Variants in SEL1L2 observed in about 807,000 individuals in gnomAD.
The protein encoded by SEL1L2 is protein sel-1 homolog 2.
SEL1L2 carries 89 observed loss-of-function variants against 98.8 expected under a neutral mutation model. That is an observed-to-expected ratio of 0.90 (90% CI 0.76 to 1.07). The LOEUF (loss-of-function observed/expected upper bound fraction) is 1.07, where lower values mean the gene tolerates loss of function less well. Among genes scored for constraint, SEL1L2 ranks in the 50% least tolerant of loss-of-function variants. The probability of loss-of-function intolerance (pLI) is 0.00; values close to 1 mark genes in which losing one functional copy is unlikely to be tolerated. For missense variants in SEL1L2, 788 were observed against 812.0 expected (o/e 0.97, Z 0.36); for synonymous variants, 262 against 278.5 (o/e 0.94, Z 0.59).
chr20:13,937,107 C>T (rs1433771170), intron 2 of SEL1L2, among the ~76,000 whole-genome samples: 1 of 152,218 alleles, frequency 6.6e-6, no homozygotes, highest in Non-Finnish European at 1.5e-5. Flanking sequence ...TTTATTGTCT[C>T]TTCTTTCCTG....
intron 1 of SEL1L2, among the ~76,000 whole-genome samples, chr20:13,961,720 G>A (rs2050780426): frequency 6.6e-6 from 1 of 152,206 alleles, no homozygotes; most frequent in South Asian, 2.1e-4. Context: ...GCCAAGCCCA[G>A]AGGGTATTGC....
chr20:13,894,540 A>G (rs1420328667), intron 5 of SEL1L2, among the ~76,000 whole-genome samples: 1 of 152,234 alleles, frequency 6.6e-6, no homozygotes, highest in Non-Finnish European at 1.5e-5. Flanking sequence ...AGCCTGGGCA[A>G]CAGAGCAAGA....
At chr20:13,922,902 G>A (rs1204339567) in intron 3 of SEL1L2, among the ~76,000 whole-genome samples, 2 of 152,164 alleles carry the variant, frequency 1.3e-5, no homozygotes, top group African/African-American at 2.4e-5. Context: ...GCAGCACAGA[G>A]CATAGGAAGG....
chr20:13,919,778 T>C (rs912782448), intron 3 of SEL1L2, among the ~76,000 whole-genome samples: 1 of 151,598 alleles, frequency 6.6e-6, no homozygotes, highest in Non-Finnish European at 1.5e-5. Flanking sequence ...ATACAAAAAT[T>C]AGCCAGGCGT....
At chr20:13,989,448 A>G (rs1019252649) in intron 1 of SEL1L2, among the ~76,000 whole-genome samples, 7 of 152,114 alleles carry the variant, frequency 4.6e-5, no homozygotes, top group Non-Finnish European at 7.4e-5. Context: ...TCCAAGCTTG[A>G]TATCTTCTAC....
intron 1 of SEL1L2, among the ~76,000 whole-genome samples, chr20:13,974,601 C>T (rs2051449756): frequency 6.6e-6 from 1 of 150,834 alleles, no homozygotes; most frequent in East Asian, 2.0e-4. Flanking sequence ...GCCTCAGCCT[C>T]CCAAGTAGCT....
intron 4 of SEL1L2, among the ~76,000 whole-genome samples, chr20:13,916,342 T>C (rs1315367525): frequency 6.6e-6 from 1 of 152,102 alleles, no homozygotes; most frequent in Non-Finnish European, 1.5e-5. Flanking sequence ...TGTGCAATCA[T>C]TTTTCTCTCC....
chr20:13,934,490 T>TATATATATTCCATATATATATATTC (rs1568998549), intron 2 of SEL1L2, among the ~76,000 whole-genome samples: 3 of 9,048 alleles, frequency 3.3e-4, no homozygotes, highest in African/African-American at 6.3e-4. Flanking sequence ...TATATATATG[T>TATATATATTCCATATATATATATTC]CACAGTTTCT....
chr20:13,980,629 C>A (rs1333587943), intron 1 of SEL1L2, among the ~76,000 whole-genome samples: 1 of 152,182 alleles, frequency 6.6e-6, no homozygotes, highest in East Asian at 1.9e-4. Flanking sequence ...GCAATCCCCC[C>A]TCTAGGTATA....
chr20:13,865,433 C>G lies in SEL1L2; in HGVS notation c.1486G>C (p.Asp496His), dbSNP rs760255765. ...AGTGCATACTGAACAAGAGAAGAAT[C>G]TATATCACCATCCTTATAGGCAAAG... The part of the protein sequence containing the change: ...AYFAYKDGDI[D>H]SSLVQYALLA... Residue 496 changes from aspartate to histidine, a missense_variant, in exon 16 of 20, where the codon GAT becomes CAT. Asp to His is a moderately conservative substitution (Grantham distance 81, BLOSUM62 -1). Coordinates refer to ENST00000284951, the MANE Select transcript of SEL1L2 (RefSeq NM_025229.2). 1 of 1,614,080 alleles carries G rather than the reference C, an allele frequency of 6.2e-7. No individual in the cohort carries two copies.
chr20:13,877,702 C>T (rs1278140577), intron 10 of SEL1L2, 114 bp from the exon 11 acceptor site: 1 of 772,782 alleles, frequency 1.3e-6, no homozygotes, highest in Non-Finnish European at 2.1e-6. Context: ...GTGCTTGCCA[C>T]TGAGCTTAAA....
At position 13,859,390 on chromosome 20, in the gene SEL1L2, C is replaced by T. The variant is rs1486158483; in HGVS notation, c.1690G>A (p.Gly564Ser). ...TGATAGTCTTTCTTAGTCCCATAGC[C>T]ATAGTAATGGTAATCTCCAATTTTT... ...RVKIGDYHYY[G>S]YGTKKDYQTA... The change falls in exon 18 of 20, where the codon GGC becomes AGC. Residue 564 changes from glycine to serine, a missense_variant. Physicochemically the swap from Gly to Ser is moderately conservative, Grantham distance 56. Transcript: ENST00000284951. 3 of 1,613,996 alleles carry T rather than the reference C, an allele frequency of 1.9e-6. No individual in the cohort carries two copies.
chr20:13,921,073 A>T (rs2048645894), intron 3 of SEL1L2, among the ~76,000 whole-genome samples: 1 of 152,160 alleles, frequency 6.6e-6, no homozygotes, highest in East Asian at 1.9e-4. Flanking sequence ...ATTTTGAAAG[A>T]TTGGCTCTGT....
intron 1 of SEL1L2, among the ~76,000 whole-genome samples, chr20:13,957,083 T>TATTA (rs778414249): frequency 6.6e-6 from 1 of 152,080 alleles, no homozygotes; most frequent in Non-Finnish European, 1.5e-5. Context: ...ACATAGTATT[T>TATTA]ATTAATTAAT....
chr20:13,883,229 C>A (rs1489999854), intron 10 of SEL1L2, among the ~76,000 whole-genome samples: 1 of 152,096 alleles, frequency 6.6e-6, no homozygotes, highest in Non-Finnish European at 1.5e-5. Context: ...GCAAAGAGTA[C>A]CTGCATCACA....
At chr20:13,924,015 A>G (rs2048772231) in intron 3 of SEL1L2, among the ~76,000 whole-genome samples, 1 of 152,220 alleles carries the variant, frequency 6.6e-6, no homozygotes. Context: ...GCTTAGAATT[A>G]TCACAACTTC....
chr20:13,873,027 A>G (rs528790404), intron 12 of SEL1L2, among the ~76,000 whole-genome samples: 1 of 145,442 alleles, frequency 6.9e-6, no homozygotes, highest in Non-Finnish European at 1.5e-5. Context: ...CTCTTGCTCT[A>G]TCACCCATGC....
chr20:13,947,272 C>A (rs1483801645), intron 2 of SEL1L2, among the ~76,000 whole-genome samples: 1 of 152,100 alleles, frequency 6.6e-6, no homozygotes, highest in Non-Finnish European at 1.5e-5. Context: ...TAGACTCCGG[C>A]AGACATCAAG....
chr20:13,849,773 C>T (rs1345865144), intron 19 of SEL1L2, among the ~76,000 whole-genome samples, 169 bp from the exon 20 acceptor site: 2 of 152,168 alleles, frequency 1.3e-5, no homozygotes, highest in Non-Finnish European at 2.9e-5. Context: ...CCACAAGGGG[C>T]TTAAATAGCA....
Sources: gnomAD v4.1 joint callset for allele counts (sites outside exome capture counted in the v4.1 genomes callset) on GRCh38, gnomAD v4.1.1 for gene constraint, MANE v1.5 for transcripts, NCBI Gene and HGNC (gene_info 2026-07-23, HGNC 2026-07-21) for gene names.